RAB3C: variants seen among roughly 807,000 people sequenced by gnomAD.
The protein encoded by RAB3C is ras-related protein Rab-3C.
Under a neutral mutation model 26.4 loss-of-function variants are expected in RAB3C, and 17 were observed. The observed-to-expected ratio is 0.64, with a 90% CI of 0.44 to 0.97. The LOEUF is 0.97. Among genes scored for constraint, RAB3C ranks in the 50% least tolerant of loss-of-function variants. RAB3C has a pLI of 0.00. For missense variants in RAB3C, 242 were observed against 281.9 expected, an observed-to-expected ratio of 0.86 and a Z score of 1.01; for synonymous variants, 91 against 95.9, an observed-to-expected ratio of 0.95 and a Z score of 0.30.
At chr5:58,826,554 C>A (rs1261960069) in intron 4 of RAB3C, among the ~76,000 whole-genome samples, 1 of 151,814 alleles carries the variant, frequency 6.6e-6, no homozygotes, top group Non-Finnish European at 1.5e-5. Flanking sequence ...GACTTTTAAC[C>A]TTTTTGGCCA....
In RAB3C at chr5:58,853,670, CAG is replaced by C. The variant is rs1312473356; in HGVS notation, c.*2320_*2321del. On this transcript the variant is annotated 3_prime_UTR_variant, in exon 5 of 5. Coordinates refer to ENST00000282878, the MANE Select transcript of RAB3C (RefSeq NM_138453.4). ...CGAAGTGGAAACATTTTATGCCAGT[CAG>C]GGGAGAGACAGGCAACAATAGCCCA... The C allele has an allele frequency of 6.6e-6, 1 of 152,186 alleles. No individual in the cohort carries two copies. Among genetic ancestry groups the C allele is most frequent in the African/African-American group, 2.4e-5 (1 of 41,452 alleles). 9.4% of individuals were successfully genotyped at this position (152,186 alleles called of 1,614,324 possible).
At chr5:58,595,925 A>G (rs1216232334) in intron 1 of RAB3C, among the ~76,000 whole-genome samples, 2 of 152,140 alleles carry the variant, frequency 1.3e-5, no homozygotes, top group African/African-American at 4.8e-5. Flanking sequence ...TGACATCTGC[A>G]TATAGAAAGT....
intron 1 of RAB3C, among the ~76,000 whole-genome samples, chr5:58,601,606 C>T (rs1474791953): frequency 1.3e-5 from 2 of 152,056 alleles, no homozygotes; most frequent in African/African-American, 4.8e-5. Context: ...TTATCCATCT[C>T]TTCTAAGTTT....
chr5:58,674,872 G>A (rs1239182488), intron 2 of RAB3C, among the ~76,000 whole-genome samples: 1 of 151,708 alleles, frequency 6.6e-6, no homozygotes, highest in African/African-American at 2.4e-5. Flanking sequence ...AAAAAAAAAG[G>A]TCTTTATAAA....
intron 2 of RAB3C, among the ~76,000 whole-genome samples, chr5:58,709,081 T>C (rs531968016): frequency 6.6e-6 from 1 of 152,200 alleles, no homozygotes; most frequent in Non-Finnish European, 1.5e-5. Context: ...CTGGAAATAA[T>C]ATGGTTGGTT....
In RAB3C at chr5:58,851,154, T is replaced by G. The variant is rs1342185735; in HGVS notation, c.497-10T>G. The G allele has an allele frequency of 1.3e-6, 2 of 1,584,874 alleles. No homozygotes were observed. The highest frequency in any genetic ancestry group is 2.2e-5 in the East Asian group (1 of 44,624). On this transcript the variant is annotated splice_polypyrimidine_tract_variant and intron_variant, in intron 4 of 4. Coordinates refer to ENST00000282878, the MANE Select transcript of RAB3C (RefSeq NM_138453.4). ...AATAACCAAGATGTGTTTCTGTGTG[T>G]TTCTTCCAGGGTTTGAGTTTTTTGA...
intron 3 of RAB3C, among the ~76,000 whole-genome samples, chr5:58,733,615 GTTTGA>G (rs1401235336): frequency 6.6e-6 from 1 of 152,172 alleles, no homozygotes; most frequent in Non-Finnish European, 1.5e-5. Flanking sequence ...CCCCAGCAGG[GTTTGA>G]TTTAAGAAAT....
intron 1 of RAB3C, among the ~76,000 whole-genome samples, chr5:58,605,430 A>C (rs186430771): frequency 1.2e-4 from 18 of 152,240 alleles, no homozygotes; most frequent in African/African-American, 4.3e-4. Context: ...TTCCATCTTC[A>C]CACTAGAAAA....
intron 2 of RAB3C, among the ~76,000 whole-genome samples, chr5:58,696,942 A>G (rs1748713049): frequency 6.6e-6 from 1 of 151,604 alleles, no homozygotes. Context: ...CTCTGATCTT[A>G]TTTATTTCTT....
At position 58,644,277 on chromosome 5, in the gene RAB3C, A is replaced by G. The variant is rs1387118058; in HGVS notation, c.252+26407A>G. 8 of 152,240 alleles carry G rather than the reference A, an allele frequency of 5.3e-5. No individual in the cohort carries two copies. In the East Asian group the frequency reaches 5.8e-4, roughly 11 times the overall value. The allele number at this position is 152,240 out of a possible 1,614,324, so 9.4% of individuals were successfully genotyped here. A position where few individuals can be genotyped will look rare whatever the true frequency, so the allele number is the denominator to read the frequency against. ...TATGGATTCTACGAATTGGATTTCA[A>G]TTCTAGCTCTGCCACGTATTAGCTG... On this transcript the variant is annotated intron_variant, in intron 2 of 4. Coordinates refer to ENST00000282878, the MANE Select transcript of RAB3C (RefSeq NM_138453.4).
intron 2 of RAB3C, among the ~76,000 whole-genome samples, chr5:58,701,951 G>GT (rs1748851481): frequency 6.6e-6 from 1 of 152,100 alleles, no homozygotes; most frequent in Non-Finnish European, 1.5e-5. Context: ...CAGGTTTGGA[G>GT]ATTGGAAAGT....
In RAB3C at chr5:58,825,129, A is replaced by G. The variant is rs375092403; in HGVS notation, c.463A>G (p.Thr155Ala). 1.9e-6 allele frequency: 3 copies of G among 1,612,946 alleles called. No individual in the cohort carries two copies. Among genetic ancestry groups the G allele is most frequent in the African/African-American group, 1.3e-5 (1 of 74,886 alleles). ...CATGGAAGACGAGCGGGTCATCTCA[A>G]CTGAGCGAGGTCAACATTTAGGAGA... ...CDMEDERVIS[T>A]ERGQHLGEQL... Residue 155 changes from threonine to alanine, a missense_variant, in exon 4 of 5, where the codon ACT becomes GCT. By Grantham distance (58) the Thr-to-Ala change is moderately conservative. Transcript: ENST00000282878.
At chr5:58,659,039 T>C (rs1164025819) in intron 2 of RAB3C, among the ~76,000 whole-genome samples, 1 of 152,112 alleles carries the variant, frequency 6.6e-6, no homozygotes, top group Non-Finnish European at 1.5e-5. Context: ...CAAAGTCACA[T>C]CATAAAAGGG....
intron 2 of RAB3C, among the ~76,000 whole-genome samples, chr5:58,689,747 C>T (rs1261018782): frequency 2.0e-5 from 3 of 152,074 alleles, no homozygotes; most frequent in African/African-American, 7.2e-5. Flanking sequence ...TGGAAATGTC[C>T]TCTGTTCAGG....
chr5:58,701,158 G>T (rs1410296202), intron 2 of RAB3C, among the ~76,000 whole-genome samples: 1 of 152,010 alleles, frequency 6.6e-6, no homozygotes, highest in East Asian at 1.9e-4. Flanking sequence ...ACCATGCCCA[G>T]CTAATTTTTT....
intron 3 of RAB3C, among the ~76,000 whole-genome samples, chr5:58,792,204 A>G (rs931754561): frequency 6.6e-6 from 1 of 152,234 alleles, no homozygotes; most frequent in African/African-American, 2.4e-5. Context: ...ATAATTTAGC[A>G]TTATGGGTAA....
At chr5:58,582,310 C>A, upstream of RAB3C, 1 of 707,106 alleles carries the variant, frequency 1.4e-6, no homozygotes, top group Non-Finnish European at 1.7e-6. Flanking sequence ...TTGTGTTGTG[C>A]CTTTTCATTT....
chr5:58,845,612 A>ATATATATGTGTGTGTGTGTG, intron 4 of RAB3C, among the ~76,000 whole-genome samples: 6 of 81,608 alleles, frequency 7.4e-5, no homozygotes, highest in Admixed American at 1.2e-4. Context: ...ATATATATAT[A>ATATATATGTGTGTGTGTGTG]TGTGTGTGTG....
chr5:58,764,644 A>C (rs1741860991), intron 3 of RAB3C, among the ~76,000 whole-genome samples: 1 of 152,158 alleles, frequency 6.6e-6, no homozygotes, highest in Admixed American at 6.5e-5. Flanking sequence ...AATGAGCATA[A>C]AATTTAGTTT....
Sources: allele counts gnomAD v4.1 joint callset (sites outside exome capture counted in the v4.1 genomes callset), GRCh38; gene constraint gnomAD v4.1.1; transcripts MANE v1.5; gene names NCBI Gene and HGNC (gene_info 2026-07-23, HGNC 2026-07-21).